Variants in RAC2 observed in about 807,000 individuals in gnomAD.
The protein encoded by RAC2 is ras-related C3 botulinum toxin substrate 2.
A neutral mutation model predicts 24.0 loss-of-function variants in RAC2; 1 was observed. The ratio of observed to expected loss-of-function variants is 0.04; its 90% CI spans 0.01 to 0.20. The LOEUF is 0.20. Among genes scored for constraint, RAC2 ranks in the 10% least tolerant of loss-of-function variants. The pLI, the probability that RAC2 is intolerant of heterozygous loss-of-function variation, is 1.00. For missense variants in RAC2, 130 were observed against 259.1 expected (o/e 0.50, Z 3.42); for synonymous variants, 114 against 106.8 (o/e 1.07, Z -0.41).
chr22:37,228,451 C>T (rs1569088363), intron 5 of RAC2, among the ~76,000 whole-genome samples: 1 of 152,204 alleles, frequency 6.6e-6, no homozygotes, highest in Non-Finnish European at 1.5e-5. Context: ...TGAAAAACCA[C>T]AAAACCCCTT....
intron 1 of RAC2, among the ~76,000 whole-genome samples, chr22:37,243,312 T>C (rs1348033072): frequency 6.6e-6 from 1 of 152,112 alleles, no homozygotes; most frequent in Non-Finnish European, 1.5e-5. Context: ...GACCTGTCAT[T>C]TTACAGATGA....
rs568738922 is a variant in RAC2, at chr22:37,241,479, G to A, written c.107+108C>T. The A allele has an allele frequency of 1.3e-4, 161 of 1,196,698 alleles. 1 individual carries two copies. In the African/African-American group the frequency reaches 2.1e-3, roughly 16 times the overall value. 74.1% of individuals were successfully genotyped at this position (1,196,698 alleles called of 1,614,324 possible). On this transcript the variant is annotated intron_variant, in intron 2 of 6. Transcript: ENST00000249071. ...AGGCAGCTCCACTGGGCTGGAGGCT[G>A]TGGGTGCCCACACAGGGTCTGGCCC...
Position 37,240,905 on chromosome 22 carries a change from G to A in RAC2, c.107+682C>T, listed in dbSNP as rs552827791. The A allele has an allele frequency of 1.1e-4, 71 of 657,806 alleles. 1 individual carries two copies. In the East Asian group the frequency reaches 1.4e-3, roughly 13 times the overall value. 40.7% of individuals were successfully genotyped at this position (657,806 alleles called of 1,614,324 possible). A position where few individuals can be genotyped will look rare whatever the true frequency, so the allele number is the denominator to read the frequency against. Reference sequence around the variant, plus strand: ...GAGCTTGTGGCGAACAGTAGGGTCCGGAGGAGGCAGAGTGTGAAGCAAAGT... The same window carrying A: ...GAGCTTGTGGCGAACAGTAGGGTCCAGAGGAGGCAGAGTGTGAAGCAAAGT... On this transcript the variant is annotated intron_variant, in intron 2 of 6. Transcript: ENST00000249071.
rs181902251 is a variant in RAC2, at chr22:37,238,574, G to A, written c.107+3013C>T. ...GTTTTAAAAGCTCACCAGGGCTTCC[G>A]TCGAGCTTGGTTCTAACGAGGTGAG... On this transcript the variant is annotated intron_variant, in intron 2 of 6. Transcript: ENST00000249071. Among the ~76,000 whole-genome samples the A allele has an allele frequency of 1.1e-4, 16 of 152,282 alleles. No homozygotes were observed. The East Asian group carries it at 2.1e-3, about 20-fold the overall frequency.
Position 37,238,847 on chromosome 22 carries a change from G to T in RAC2, c.107+2740C>A, listed in dbSNP as rs150386101. Among the ~76,000 whole-genome samples, 624 of 152,346 alleles carry T rather than the reference G, an allele frequency of 4.1e-3. 2 individuals carry two copies. Among genetic ancestry groups the T allele is most frequent in the African/African-American group, 0.014 (584 of 41,576 alleles). ...CACGAGTCCTGGCAACTGATTGGCT[G>T]CTCAGGAAGGTGTCAGTTCCGAAGG... On this transcript the variant is annotated intron_variant, in intron 2 of 6. Coordinates refer to ENST00000249071, the MANE Select transcript of RAC2 (RefSeq NM_002872.5).
In RAC2 at chr22:37,232,781, G is replaced by A. The variant is rs780638404; in HGVS notation, c.225+20C>T. ...GAGACAGCAAAGGTCAGGACTGCAA[G>A]GCAGGTGGGAGCAGCACACCGTCTG... is the stretch of plus-strand genomic sequence containing the variant. On this transcript the variant is annotated intron_variant, in intron 3 of 6. Transcript: ENST00000249071. 1.9e-6 allele frequency: 3 copies of A among 1,590,950 alleles called. No homozygotes were observed. In the South Asian group the frequency reaches 3.3e-5, roughly 18 times the overall value.
In RAC2 at chr22:37,244,165, A is replaced by G. The variant is rs1927491677; in HGVS notation, c.-17T>C. The G allele has an allele frequency of 1.2e-6, 2 of 1,613,886 alleles. No homozygotes were observed. The highest frequency in any genetic ancestry group is 1.3e-5 in the African/African-American group (1 of 75,044). On this transcript the variant is annotated 5_prime_UTR_variant, in exon 1 of 7. Coordinates refer to ENST00000249071, the MANE Select transcript of RAC2 (RefSeq NM_002872.5). ...GGCCTGCATCGTGTCCGGAGCCTGG[A>G]GAGTGTCGGTGGTGACAGCTCAGGG... is the stretch of plus-strand genomic sequence containing the variant.
At position 37,231,519 on chromosome 22, in the gene RAC2, G is replaced by A. The variant is rs954555346; in HGVS notation, c.289-129C>T. On this transcript the variant is annotated intron_variant, in intron 4 of 6. Transcript: ENST00000249071. The surrounding 1 kb of genome is among the most constrained non-coding windows in gnomAD (Gnocchi z 5.5). The stretch of plus-strand genomic sequence containing the variant: ...GCAAGTTGCCAGAAGATCAGAGGTG[G>A]GCACGACGGTGAGGAGAGAGAGACG... The A allele has an allele frequency of 1.5e-5, 13 of 848,868 alleles. No homozygotes were observed. Among genetic ancestry groups the A allele is most frequent in the Non-Finnish European group, 2.3e-5 (12 of 530,688 alleles). 52.6% of individuals were successfully genotyped at this position (848,868 alleles called of 1,614,324 possible). A position where few individuals can be genotyped will look rare whatever the true frequency, so the allele number is the denominator to read the frequency against.
intron 1 of RAC2, among the ~76,000 whole-genome samples, chr22:37,242,050 G>A (rs1413311688): frequency 1.3e-5 from 2 of 152,210 alleles, no homozygotes; most frequent in Non-Finnish European, 2.9e-5. Flanking sequence ...CCAGTGGTAT[G>A]ATCTTGGACA....
chr22:37,230,007 G>A (rs1927006469), intron 5 of RAC2, among the ~76,000 whole-genome samples: 1 of 152,214 alleles, frequency 6.6e-6, no homozygotes, highest in Admixed American at 6.5e-5. Flanking sequence ...TCCAGGGGCA[G>A]GGGTTGGAGG....
In RAC2 at chr22:37,232,835, T is replaced by C; in HGVS notation, c.191A>G (p.Tyr64Cys). The C allele has an allele frequency of 6.2e-7, 1 of 1,614,028 alleles. No homozygotes were observed. Among genetic ancestry groups the C allele is most frequent in the Non-Finnish European group, 8.5e-7 (1 of 1,179,988 alleles). The part of the protein sequence containing the change: ...GLWDTAGQED[Y>C]DRLRPLSYPQ... ...ATAGGAGAGCGGCCGGAGACGGTCG[T>C]AGTCCTCCTGCCCAGCAGTGTCCCA... Residue 64 changes from tyrosine (Y) to cysteine (C), a missense_variant, in exon 3 of 7, where the codon TAC becomes TGC. Around this residue, in one of 2 missense-constraint regions of RAC2, gnomAD observed 119 missense variants for 192.1 expected, o/e 0.62. Transcript: ENST00000249071.
At chr22:37,232,984 C>T in intron 2 of RAC2, 66 bp from the exon 3 acceptor site, 1 of 1,225,834 alleles carries the variant, frequency 8.2e-7, no homozygotes, top group Admixed American at 1.7e-5. Context: ...AATTGTGGTC[C>T]AGCTCCATGT....
intron 3 of RAC2, 34 bp downstream of exon 3, chr22:37,232,766 AG>A: frequency 6.4e-7 from 1 of 1,550,674 alleles, no homozygotes; most frequent in Non-Finnish European, 8.9e-7. Context: ...GAGACAGCAA[AG>A]GTCAGGACTG....
chr22:37,229,327 G>C (rs1445422740), intron 5 of RAC2, among the ~76,000 whole-genome samples: 1 of 152,208 alleles, frequency 6.6e-6, no homozygotes, highest in Non-Finnish European at 1.5e-5. Context: ...GAGGTGCAGG[G>C]AGGACAGATG....
At position 37,239,353 on chromosome 22, in the gene RAC2, G is replaced by A. The variant is rs894313667; in HGVS notation, c.107+2234C>T. On this transcript the variant is annotated intron_variant, in intron 2 of 6. Transcript: ENST00000249071. Reference sequence around the variant, plus strand: ...AAGGTGCAGGACCCTTCTGAGCATGGGGCCCTGTGCAATTGGATAGGTGGC... The same window carrying A: ...AAGGTGCAGGACCCTTCTGAGCATGAGGCCCTGTGCAATTGGATAGGTGGC... Among the ~76,000 whole-genome samples the A allele has an allele frequency of 2.6e-5, 4 of 152,208 alleles. No homozygotes were observed. In the East Asian group the frequency reaches 7.7e-4, roughly 29 times the overall value.
At position 37,232,006 on chromosome 22, in the gene RAC2, G is replaced by A. The variant is rs904380847; in HGVS notation, c.226-12C>T. On this transcript the variant is annotated splice_polypyrimidine_tract_variant and intron_variant, in intron 3 of 6. Transcript: ENST00000249071. ...ATGAGGAAGACGTCCTGGGGACAGAGCAAGCGAGGTTGCTAGTGAGGAGGG... is the reference window on the plus strand; with the variant it reads ...ATGAGGAAGACGTCCTGGGGACAGAACAAGCGAGGTTGCTAGTGAGGAGGG... 2.0e-6 allele frequency: 3 copies of A among 1,520,960 alleles called. No homozygotes were observed. The highest frequency in any genetic ancestry group is 2.6e-6 in the Non-Finnish European group (3 of 1,136,376). 94.2% of individuals were successfully genotyped at this position (1,520,960 alleles called of 1,614,324 possible).
At chr22:37,228,854 A>C (rs1020998348) in intron 5 of RAC2, among the ~76,000 whole-genome samples, 25 of 152,128 alleles carry the variant, frequency 1.6e-4, no homozygotes, top group Admixed American at 1.2e-3. Context: ...ACTCGCTCTG[A>C]GTCACATGCT....
chr22:37,230,924 GACT>G (rs1450924132), intron 5 of RAC2, among the ~76,000 whole-genome samples: 2 of 152,106 alleles, frequency 1.3e-5, no homozygotes, highest in African/African-American at 4.8e-5. Flanking sequence ...CTACTAGGAC[GACT>G]ACTACTAACA....
chr22:37,227,913 G>A (rs751017883), intron 5 of RAC2, among the ~76,000 whole-genome samples: 36 of 152,302 alleles, frequency 2.4e-4, no homozygotes, highest in East Asian at 3.9e-4. Flanking sequence ...CCCTTAGTCC[G>A]TGGAAGGAGG....
Sources: gnomAD v4.1 joint callset for allele counts (sites outside exome capture counted in the v4.1 genomes callset) on GRCh38, gnomAD v4.1.1 for gene constraint, gnomAD v4.1.1 regional missense constraint, Gnocchi (gnomAD v3.1) non-coding constraint, MANE v1.5 for transcripts, NCBI Gene and HGNC (gene_info 2026-07-23, HGNC 2026-07-21) for gene names.